Variants in KDM1B observed in about 807,000 individuals in gnomAD.
KDM1B encodes lysine demethylase 1B.
KDM1B carries 63 observed loss-of-function variants against 107.4 expected under a neutral mutation model. The ratio of observed to expected loss-of-function variants is 0.59; its 90% CI spans 0.48 to 0.72. The LOEUF is 0.72. Ranked by LOEUF, KDM1B falls within the 30% of genes least tolerant of loss-of-function variation. KDM1B has a pLI of 0.00. For missense variants in KDM1B, 749 were observed against 1,020.8 expected (o/e 0.73, Z 3.63); for synonymous variants, 363 against 363.9 (o/e 1.00, Z 0.03).
At chr6:18,219,410 A>G (rs1040569004) in intron 21 of KDM1B, among the ~76,000 whole-genome samples, 2 of 152,076 alleles carry the variant, frequency 1.3e-5, no homozygotes, top group Admixed American at 6.6e-5. Context: ...TTGAGCATCT[A>G]ATTTTTCCTC....
At chr6:18,187,352 T>C (rs1362949289) in intron 8 of KDM1B, among the ~76,000 whole-genome samples, 4 of 152,210 alleles carry the variant, frequency 2.6e-5, no homozygotes, top group Non-Finnish European at 5.9e-5. Context: ...GGGAGCATTA[T>C]TTTTTATGCC....
intron 15 of KDM1B, among the ~76,000 whole-genome samples, chr6:18,206,386 A>T (rs939676272): frequency 6.6e-6 from 1 of 151,792 alleles, no homozygotes; most frequent in Non-Finnish European, 1.5e-5. Flanking sequence ...GCTTAGTGGC[A>T]TGTGCCTGTA....
chr6:18,166,390 G>T lies in KDM1B; in HGVS notation c.417+12G>T. 1 of 1,444,530 alleles carries T rather than the reference G, an allele frequency of 6.9e-7. No individual in the cohort carries two copies. Among genetic ancestry groups the T allele is most frequent in the Non-Finnish European group, 9.8e-7 (1 of 1,025,602 alleles). 89.5% of individuals were successfully genotyped at this position (1,444,530 alleles called of 1,614,324 possible). On this transcript the variant is annotated intron_variant, in intron 6 of 21. Transcript: ENST00000650836. ...AACTCCCCTACTGGGTAAGGAGAGTGATGCTCTCTGTCTGTGAAGTATTTG... is the reference window on the plus strand; with the variant it reads ...AACTCCCCTACTGGGTAAGGAGAGTTATGCTCTCTGTCTGTGAAGTATTTG...
chr6:18,190,081 C>T (rs1432959846), intron 9 of KDM1B, among the ~76,000 whole-genome samples: 1 of 151,482 alleles, frequency 6.6e-6, no homozygotes, highest in Non-Finnish European at 1.5e-5. Context: ...ACCTGGGAGG[C>T]GGAGGTTGCA....
intron 2 of KDM1B, among the ~76,000 whole-genome samples, chr6:18,156,990 T>C (rs1784653072): frequency 1.3e-5 from 2 of 152,210 alleles, no homozygotes; most frequent in Non-Finnish European, 2.9e-5. Context: ...AATCTACATA[T>C]TGATATATCC....
In KDM1B at chr6:18,201,462, C is replaced by T. The variant is rs973353878; in HGVS notation, c.1360-24C>T. On this transcript the variant is annotated intron_variant, in intron 13 of 21. Transcript: ENST00000650836. The surrounding 1 kb of genome is among the most constrained non-coding windows in gnomAD (Gnocchi z 4.3). ...ATTTTTTTCCAGGGAAAATTTTCAC[C>T]TTCTTATTCTTATTATTTTGAAGCT... 6.6e-6 allele frequency: 10 copies of T among 1,510,970 alleles called. 1 individual carries two copies. The highest frequency in any genetic ancestry group is 3.5e-4 in the Middle Eastern group (2 of 5,750). 93.6% of individuals were successfully genotyped at this position (1,510,970 alleles called of 1,614,324 possible).
intron 20 of KDM1B, 60 bp from the exon 21 acceptor site, chr6:18,217,673 C>T (rs115678046): frequency 0.01 from 14,804 of 1,442,744 alleles, 119 homozygotes; most frequent in African/African-American, 0.027. Context: ...TGAGTCACTG[C>T]GCCCTGCCAT....
At chr6:18,169,414 T>G (rs1294529489) in intron 6 of KDM1B, among the ~76,000 whole-genome samples, 3 of 150,312 alleles carry the variant, frequency 2.0e-5, no homozygotes, top group Non-Finnish European at 4.4e-5. Flanking sequence ...TTAGTAGAGA[T>G]GGGGTTTCAC....
intron 2 of KDM1B, among the ~76,000 whole-genome samples, chr6:18,157,134 G>A (rs760691922): frequency 6.6e-6 from 1 of 152,114 alleles, no homozygotes; most frequent in Non-Finnish European, 1.5e-5. Context: ...TTATATTTAG[G>A]TGTGTTTATT....
At position 18,201,310 on chromosome 6, in the gene KDM1B, C is replaced by T. The variant is rs1300186422; in HGVS notation, c.1360-176C>T. On this transcript the variant is annotated intron_variant, in intron 13 of 21. Coordinates refer to ENST00000650836, the MANE Select transcript of KDM1B (RefSeq NM_001364614.2). This position sits in a 1 kb window ranked among gnomAD's most constrained non-coding sequence, Gnocchi z 4.3. ...CAAATAAAATCTTGTAGATTTCATG[C>T]TGTTTTTTTTCACTGCCTGACTTTG... Among the ~76,000 whole-genome samples, 1 of 152,130 alleles carries T rather than the reference C, an allele frequency of 6.6e-6. No homozygotes were observed. The highest frequency in any genetic ancestry group is 1.5e-5 in the Non-Finnish European group (1 of 68,018).
Position 18,201,399 on chromosome 6 carries a change from GA to G in KDM1B, c.1360-86del. The stretch of plus-strand genomic sequence containing the variant: ...AGAGATATGAGACCATTTTCTCCAT[GA>G]GAGCTCTGTCTGATTTTCAGCTTAG... On this transcript the variant is annotated intron_variant, in intron 13 of 21. Transcript: ENST00000650836. The surrounding 1 kb of genome is among the most constrained non-coding windows in gnomAD (Gnocchi z 4.3). 2.1e-6 allele frequency: 2 copies of G among 955,736 alleles called. No individual in the cohort carries two copies. Among genetic ancestry groups the G allele is most frequent in the Non-Finnish European group, 3.1e-6 (2 of 647,678 alleles). 59.2% of individuals were successfully genotyped at this position (955,736 alleles called of 1,614,324 possible).
chr6:18,192,974 C>T (rs1284560150), intron 10 of KDM1B, among the ~76,000 whole-genome samples: 1 of 151,900 alleles, frequency 6.6e-6, no homozygotes, highest in Non-Finnish European at 1.5e-5. Flanking sequence ...GGGTGGATTA[C>T]ATGAGGTCAG....
chr6:18,183,368 A>G (rs1786616221), intron 7 of KDM1B, among the ~76,000 whole-genome samples: 1 of 148,444 alleles, frequency 6.7e-6, no homozygotes, highest in South Asian at 2.2e-4. Flanking sequence ...CCCAGGTTCA[A>G]ACGATTCTCC....
rs959370666 is a variant in KDM1B at position 18,200,671 on chromosome 6, C to T, written c.1359+95C>T. 1 of 1,102,160 alleles carries T rather than the reference C, an allele frequency of 9.1e-7. No individual in the cohort carries two copies. The allele number at this position is 1,102,160 out of a possible 1,614,324, so 68.3% of individuals were successfully genotyped here. ...ATTAATATGCTTCTAAAGTAAATTACATATAACAGCCCCCTCATCTCCTAT... is the reference window on the plus strand; with the variant it reads ...ATTAATATGCTTCTAAAGTAAATTATATATAACAGCCCCCTCATCTCCTAT... On this transcript the variant is annotated intron_variant, in intron 13 of 21. Coordinates refer to ENST00000650836, the MANE Select transcript of KDM1B (RefSeq NM_001364614.2). The surrounding 1 kb of genome is among the most constrained non-coding windows in gnomAD (Gnocchi z 4.3).
intron 21 of KDM1B, among the ~76,000 whole-genome samples, chr6:18,219,847 T>A (rs1187210015): frequency 6.6e-6 from 1 of 152,232 alleles, no homozygotes; most frequent in Non-Finnish European, 1.5e-5. Flanking sequence ...CCTGGCACTG[T>A]GGGCGCTGGA....
chr6:18,158,620 T>C (rs1784782975), intron 2 of KDM1B, among the ~76,000 whole-genome samples: 2 of 152,332 alleles, frequency 1.3e-5, no homozygotes, highest in South Asian at 4.1e-4. Context: ...TCATTTATCA[T>C]TTTCTGTGTG....
chr6:18,158,056 G>A (rs1015149192), intron 2 of KDM1B, among the ~76,000 whole-genome samples: 4 of 151,948 alleles, frequency 2.6e-5, no homozygotes, highest in South Asian at 2.1e-4. Flanking sequence ...GTCGTGATCC[G>A]CCCACCTCAG....
intron 7 of KDM1B, among the ~76,000 whole-genome samples, chr6:18,185,180 A>G (rs563298874): frequency 3.9e-5 from 6 of 152,168 alleles, no homozygotes; most frequent in Non-Finnish European, 7.3e-5. Context: ...CTAAAAGATA[A>G]TGTCAAATGA....
intron 8 of KDM1B, 22 bp from the exon 9 acceptor site, chr6:18,187,770 C>T: frequency 6.8e-7 from 1 of 1,481,068 alleles, no homozygotes; most frequent in Non-Finnish European, 9.2e-7. Context: ...TGTCTCTCTT[C>T]TTCCTGTCTG....
Sources: gnomAD v4.1 joint callset for allele counts (sites outside exome capture counted in the v4.1 genomes callset) on GRCh38, gnomAD v4.1.1 for gene constraint, Gnocchi (gnomAD v3.1) non-coding constraint, MANE v1.5 for transcripts, NCBI Gene and HGNC (gene_info 2026-07-23, HGNC 2026-07-21) for gene names.